Variants in ASPRV1 observed in about 807,000 individuals in gnomAD.
ASPRV1 encodes retroviral-like aspartic protease 1.
A neutral mutation model predicts 11.0 loss-of-function variants in ASPRV1; 7 were observed. That is an observed-to-expected ratio of 0.64 (90% CI 0.36 to 1.20). ASPRV1 has a LOEUF of 1.20. ASPRV1 is among the 50% of genes most tolerant of loss of function. The pLI is 0.02. For missense variants in ASPRV1, 299 were observed against 320.0 expected (o/e 0.93, Z 0.50); for synonymous variants, 136 against 138.4 (o/e 0.98, Z 0.12).
the ASPRV1 span, among the ~76,000 whole-genome samples, chr2:69,971,691 C>T: frequency 9.9e-5 from 15 of 152,204 alleles, no homozygotes; most frequent in Non-Finnish European, 1.5e-4. Context: ...AGATGTGAGG[C>T]GGCTTTGCCA....
At chr2:69,964,377 C>G (rs1678263837), upstream of ASPRV1, 1 of 453,460 alleles carries the variant, frequency 2.2e-6, no homozygotes, top group South Asian at 1.6e-5. Flanking sequence ...ACCGTGAGAG[C>G]TGGAAGGAGT....
the ASPRV1 span, among the ~76,000 whole-genome samples, chr2:70,073,690 C>G: frequency 1.3e-5 from 2 of 152,224 alleles, no homozygotes; most frequent in East Asian, 1.9e-4. Context: ...TGTACCCAAG[C>G]CTCAACCAAA....
chr2:69,960,609 G>A lies in ASPRV1; in HGVS notation c.*48C>T, dbSNP rs757722359. 81 of 1,546,388 alleles carry A rather than the reference G, an allele frequency of 5.2e-5. No homozygotes were observed. The highest frequency in any genetic ancestry group is 2.7e-4 in the Admixed American group (15 of 55,292). On this transcript the variant is annotated 3_prime_UTR_variant, in exon 1 of 1. Transcript: ENST00000320256. ...GAGGATATGCAACCCCCCCCACAGC[G>A]GTGGGTCTTCCCACCAATATTTAGG...
At chr2:69,990,388 T>C in the ASPRV1 span, among the ~76,000 whole-genome samples, 1 of 152,098 alleles carries the variant, frequency 6.6e-6, no homozygotes, top group Non-Finnish European at 1.5e-5. Context: ...TTCAGCATGT[T>C]GGCCAGGCTG....
At chr2:70,043,702 T>C in the ASPRV1 span, among the ~76,000 whole-genome samples, 1 of 152,234 alleles carries the variant, frequency 6.6e-6, no homozygotes, top group Non-Finnish European at 1.5e-5. Flanking sequence ...TGCGCCACCA[T>C]TTTGCATCAT....
chr2:70,028,439 G>C, the ASPRV1 span: 1 of 152,122 alleles, frequency 6.6e-6, no homozygotes, highest in African/African-American at 2.4e-5. Context: ...AGGAAATAGG[G>C]TGCTCTCTGC....
At chr2:69,996,846 AG>A in the ASPRV1 span, 1 of 408,956 alleles carries the variant, frequency 2.4e-6, no homozygotes, top group Non-Finnish European at 4.9e-6. Context: ...CTGATGGATA[AG>A]GGTTAAGCAC....
At chr2:69,957,558 G>A (rs559167491), downstream of ASPRV1, among the ~76,000 whole-genome samples, 1 of 151,706 alleles carries the variant, frequency 6.6e-6, no homozygotes, top group African/African-American at 2.4e-5. Flanking sequence ...GTATTAGAAT[G>A]TTCTAGGCCA....
At chr2:69,943,510 C>T in the ASPRV1 span, among the ~76,000 whole-genome samples, 16 of 152,054 alleles carry the variant, frequency 1.1e-4, no homozygotes, top group Non-Finnish European at 2.2e-4. Context: ...CGTGGGGCTG[C>T]GGTGTGGCCT....
chr2:69,952,715 T>C, the ASPRV1 span, among the ~76,000 whole-genome samples: 197 of 152,242 alleles, frequency 1.3e-3, 1 homozygote, highest in African/African-American at 4.5e-3. Flanking sequence ...TTTGGTGCAT[T>C]GCAGGATGTT....
chr2:70,038,290 T>C, the ASPRV1 span, among the ~76,000 whole-genome samples: 4 of 152,192 alleles, frequency 2.6e-5, no homozygotes, highest in African/African-American at 9.7e-5. Context: ...CTCATGCTTG[T>C]ATTCCCAACA....
the ASPRV1 span, chr2:69,935,428 C>T: frequency 8.1e-6 from 13 of 1,613,872 alleles, no homozygotes; most frequent in African/African-American, 1.3e-5. Context: ...CGACACACTA[C>T]GTTGAGTTTA....
At chr2:69,935,862 A>T in the ASPRV1 span, among the ~76,000 whole-genome samples, 1 of 152,092 alleles carries the variant, frequency 6.6e-6, no homozygotes, top group Non-Finnish European at 1.5e-5. Flanking sequence ...TCTGCTTTCC[A>T]TGCTTCCTGA....
the ASPRV1 span, among the ~76,000 whole-genome samples, chr2:69,955,015 C>CT: frequency 1.3e-5 from 2 of 152,368 alleles, no homozygotes; most frequent in Non-Finnish European, 2.9e-5. Context: ...GCAGTCAAAA[C>CT]TTGAGAGCCA....
chr2:69,989,900 G>A, the ASPRV1 span, among the ~76,000 whole-genome samples: 1 of 152,386 alleles, frequency 6.6e-6, no homozygotes, highest in African/African-American at 2.4e-5. Context: ...TGTTAAATCA[G>A]CGGTGATGAT....
At chr2:70,029,034 T>C in the ASPRV1 span, among the ~76,000 whole-genome samples, 3 of 152,174 alleles carry the variant, frequency 2.0e-5, no homozygotes, top group Admixed American at 2.0e-4. Flanking sequence ...AGTTACTCAA[T>C]GGCTCTCTGT....
chr2:70,062,166 A>G, the ASPRV1 span, among the ~76,000 whole-genome samples: 2 of 151,864 alleles, frequency 1.3e-5, no homozygotes, highest in Non-Finnish European at 2.9e-5. Context: ...TTAGCTGGGC[A>G]TAGTGGCGGG....
chr2:69,990,109 C>T, the ASPRV1 span, among the ~76,000 whole-genome samples: 1 of 152,242 alleles, frequency 6.6e-6, no homozygotes, highest in East Asian at 1.9e-4. Flanking sequence ...AAAGGTCATA[C>T]AAAGTGACAG....
the ASPRV1 span, among the ~76,000 whole-genome samples, chr2:70,068,339 A>C: frequency 8.5e-5 from 13 of 152,334 alleles, no homozygotes; most frequent in East Asian, 1.5e-3. Flanking sequence ...TCAGGGGTGA[A>C]GTGGTAAGGA....
Sources: allele counts gnomAD v4.1 joint callset (sites outside exome capture counted in the v4.1 genomes callset), GRCh38; gene constraint gnomAD v4.1.1; transcripts MANE v1.5; gene names NCBI Gene and HGNC (gene_info 2026-07-23, HGNC 2026-07-21).